AKAP9: variants seen among roughly 807,000 people sequenced by gnomAD.
The protein encoded by AKAP9 is A-kinase anchoring protein 9.
A neutral mutation model predicts 488.5 loss-of-function variants in AKAP9; 311 were observed. The observed-to-expected ratio is 0.64, with a 90% CI of 0.58 to 0.70. The LOEUF is 0.70. AKAP9 is among the 30% of genes least tolerant of loss of function. The probability of loss-of-function intolerance (pLI) is 0.00; values close to 1 mark genes in which losing one functional copy is unlikely to be tolerated. For missense variants in AKAP9, 4,215 were observed against 4,374.5 expected, an observed-to-expected ratio of 0.96 and a Z score of 1.03; for synonymous variants, 1,462 against 1,483.5, an observed-to-expected ratio of 0.99 and a Z score of 0.33.
At chr7:92,025,743 A>G (rs773758671) in intron 14 of AKAP9, among the ~76,000 whole-genome samples, 3 of 152,180 alleles carry the variant, frequency 2.0e-5, no homozygotes, top group Non-Finnish European at 4.4e-5. Context: ...AGTAATAGGG[A>G]TAATAATAAT....
intron 1 of AKAP9, among the ~76,000 whole-genome samples, chr7:91,959,019 G>T (rs1037568542): frequency 2.6e-5 from 4 of 151,908 alleles, no homozygotes; most frequent in African/African-American, 9.7e-5. Context: ...CAAGTAGCTA[G>T]GACCACAGGC....
intron 22 of AKAP9, among the ~76,000 whole-genome samples, chr7:92,057,430 C>T (rs1171897612): frequency 1.3e-5 from 2 of 151,968 alleles, no homozygotes; most frequent in South Asian, 2.1e-4. Flanking sequence ...CTTTCAAAGC[C>T]CTGACGTGGA....
rs190745661 is a variant in AKAP9, at chr7:92,054,415, C to T, written c.5601+1457C>T. ...TGGGAGGCATGCTGTAATATCTTTG[C>T]GTTTTCAGTGAAAGAGAAATTCAGG... On this transcript the variant is annotated intron_variant, in intron 22 of 49. Transcript: ENST00000356239. Among the ~76,000 whole-genome samples, 37 of 151,790 alleles carry T rather than the reference C, an allele frequency of 2.4e-4. No homozygotes were observed. In the East Asian group the frequency reaches 7.0e-3, roughly 29 times the overall value.
chr7:92,021,213 CATT>C (rs1296088266), intron 12 of AKAP9, among the ~76,000 whole-genome samples: 8 of 152,152 alleles, frequency 5.3e-5, no homozygotes, highest in East Asian at 3.9e-4. Flanking sequence ...TCTTCTGTAT[CATT>C]GTTGTTATAG....
At position 92,099,869 on chromosome 7, in the gene AKAP9, T is replaced by A. The variant is rs370754161; in HGVS notation, c.10896T>A (p.Asn3632Lys). 1.9e-6 allele frequency: 3 copies of A among 1,613,756 alleles called. No homozygotes were observed. Among genetic ancestry groups the A allele is most frequent in the South Asian group, 1.1e-5 (1 of 91,084 alleles). ...WYRQTGAGRD[N>K]SSRFSLNGGA... The stretch of plus-strand genomic sequence containing the variant: ...GACAGACAGGAGCTGGTAGAGATAA[T>A]GTATGTCCATTTTTAGCATCTCCAT... The change falls in exon 44 of 50, where the codon AAT (asparagine) becomes AAA (lysine). Residue 3632 changes from asparagine to lysine, a missense_variant and splice_region_variant. This residue lies in a region of AKAP9 where 74 missense variants were observed against 113.0 expected (regional missense o/e 0.65). Coordinates refer to ENST00000356239, the MANE Select transcript of AKAP9 (RefSeq NM_005751.5).
At chr7:92,061,584 CTATATATATA>C (rs71528033) in intron 23 of AKAP9, among the ~76,000 whole-genome samples, 162 bp downstream of exon 23, 2,085 of 102,432 alleles carry the variant, frequency 0.02, 133 homozygotes, top group African/African-American at 0.073. Flanking sequence ...ATTTTTAAAA[CTATATATATA>C]TATATATATA....
At position 92,038,476 on chromosome 7, in the gene AKAP9, G is replaced by C. The variant is rs376262014; in HGVS notation, c.4396G>C (p.Gly1466Arg). The stretch of plus-strand genomic sequence containing the variant: ...ACAAACTGAACTGTCTAGAATATCT[G>C]GGGGAAAAGAAAATACTGCATCATC... ...AQQTELSRIS[G>R]GKENTASSKQ... Residue 1466 changes from glycine to arginine, a missense_variant, in exon 17 of 50, where the codon GGG becomes CGG. Gly to Arg is a moderately radical substitution (Grantham distance 125, BLOSUM62 -2). Transcript: ENST00000356239. 1 of 1,613,870 alleles carries C rather than the reference G, an allele frequency of 6.2e-7. No homozygotes were observed. Among genetic ancestry groups the C allele is most frequent in the East Asian group, 2.2e-5 (1 of 44,806 alleles).
intron 14 of AKAP9, among the ~76,000 whole-genome samples, chr7:92,028,754 G>A (rs906909940): frequency 3.3e-5 from 5 of 152,060 alleles, no homozygotes; most frequent in Non-Finnish European, 7.4e-5. Context: ...AAAACTTTTT[G>A]GAATATGACC....
intron 21 of AKAP9, among the ~76,000 whole-genome samples, chr7:92,050,564 T>C (rs1563051066): frequency 6.6e-6 from 1 of 152,184 alleles, no homozygotes; most frequent in African/African-American, 2.4e-5. Flanking sequence ...AGCCGTCTCT[T>C]TTTGTCTGTT....
intron 2 of AKAP9, among the ~76,000 whole-genome samples, chr7:91,977,473 A>G (rs1046530331): frequency 6.6e-5 from 10 of 151,924 alleles, no homozygotes; most frequent in South Asian, 6.2e-4. Context: ...GGAGAATGGC[A>G]TGAACCCAGG....
chr7:91,973,620 T>G, intron 1 of AKAP9, 91 bp from the exon 2 acceptor site: 1 of 1,365,456 alleles, frequency 7.3e-7, no homozygotes, highest in Non-Finnish European at 1.0e-6. Flanking sequence ...TAGTTTGATC[T>G]TTAAAAGAGA....
rs528852110 is a variant in AKAP9, at chr7:91,947,610, G to A, written c.48+6463G>A. On this transcript the variant is annotated intron_variant, in intron 1 of 49. Coordinates refer to ENST00000356239, the MANE Select transcript of AKAP9 (RefSeq NM_005751.5). ...CCACCTTGGCCTCCCAAAGTGCTGG[G>A]ATTACAGGCGTGAGCAACCGCGCCC... Among the ~76,000 whole-genome samples, 7 of 152,316 alleles carry A rather than the reference G, an allele frequency of 4.6e-5. No individual in the cohort carries two copies. The East Asian group carries it at 1.2e-3, about 25-fold the overall frequency.
At chr7:91,977,464 G>A (rs556117238) in intron 2 of AKAP9, among the ~76,000 whole-genome samples, 59 of 152,316 alleles carry the variant, frequency 3.9e-4, no homozygotes, top group Middle Eastern at 3.4e-3. Flanking sequence ...GCTGAGGCAG[G>A]AGAATGGCAT....
intron 2 of AKAP9, among the ~76,000 whole-genome samples, chr7:91,976,178 C>T (rs867338799): frequency 6.6e-5 from 10 of 152,124 alleles, no homozygotes; most frequent in African/African-American, 2.2e-4. Context: ...CCACCTCAGC[C>T]TCCCAAAGTG....
chr7:92,099,982 T>C, intron 44 of AKAP9, 113 bp downstream of exon 44: 1 of 973,530 alleles, frequency 1.0e-6, no homozygotes, highest in Non-Finnish European at 1.6e-6. Flanking sequence ...ACCTGATTCT[T>C]AGGATCTGTA....
At chr7:91,946,769 T>C (rs1791504053) in intron 1 of AKAP9, among the ~76,000 whole-genome samples, 1 of 152,170 alleles carries the variant, frequency 6.6e-6, no homozygotes, top group East Asian at 1.9e-4. Context: ...AGTTGAATGA[T>C]AGCTCATGGA....
intron 45 of AKAP9, among the ~76,000 whole-genome samples, chr7:92,102,170 A>AAAAT (rs1554469466): frequency 8.8e-4 from 119 of 135,040 alleles, no homozygotes; most frequent in Middle Eastern, 7.4e-3. Flanking sequence ...ATTTAAAAAA[A>AAAAT]AAATAAATAA....
intron 12 of AKAP9, among the ~76,000 whole-genome samples, chr7:92,017,589 A>G (rs1191318312): frequency 1.9e-4 from 29 of 152,148 alleles, no homozygotes; most frequent in Admixed American, 1.9e-3. Context: ...AAAACAACTT[A>G]AGGCACATAT....
At chr7:92,047,439 G>T (rs1028985945) in intron 21 of AKAP9, among the ~76,000 whole-genome samples, 1 of 152,030 alleles carries the variant, frequency 6.6e-6, no homozygotes, top group Non-Finnish European at 1.5e-5. Context: ...GGCTGGTTTC[G>T]AACTCCTGAC....
Sources: allele counts gnomAD v4.1 joint callset (sites outside exome capture counted in the v4.1 genomes callset), GRCh38; gene constraint gnomAD v4.1.1; regional missense constraint gnomAD v4.1.1; transcripts MANE v1.5; gene names NCBI Gene and HGNC (gene_info 2026-07-23, HGNC 2026-07-21).